The following FILIP1L variants were observed in gnomAD, a reference collection of about 807,000 sequenced individuals.
FILIP1L encodes filamin A-interacting protein 1-like.
A neutral mutation model predicts 96.6 loss-of-function variants in FILIP1L; 55 were observed. The ratio of observed to expected loss-of-function variants is 0.57; its 90% CI spans 0.46 to 0.71. The LOEUF is 0.71. FILIP1L is among the 30% of genes least tolerant of loss of function. The probability of loss-of-function intolerance (pLI) is 0.00; values close to 1 mark genes in which losing one functional copy is unlikely to be tolerated. For synonymous variants in FILIP1L, 467 were observed against 473.9 expected (o/e 0.99, Z 0.19); for missense variants, 1,304 against 1,321.2 (o/e 0.99, Z 0.20).
chr3:100,009,131 A>G (rs532706317), intron 1 of FILIP1L, among the ~76,000 whole-genome samples: 1 of 152,202 alleles, frequency 6.6e-6, no homozygotes, highest in Non-Finnish European at 1.5e-5. Flanking sequence ...CCGAATGAGA[A>G]TTCAAATTGA....
At chr3:100,062,702 C>T (rs568908122) in intron 1 of FILIP1L, among the ~76,000 whole-genome samples, 12 of 152,312 alleles carry the variant, frequency 7.9e-5, no homozygotes, top group African/African-American at 2.9e-4. Context: ...TTAAAAGCCC[C>T]TATATCTTAG....
chr3:100,017,985 G>A (rs1267444902), intron 1 of FILIP1L, among the ~76,000 whole-genome samples: 1 of 152,042 alleles, frequency 6.6e-6, no homozygotes, highest in Non-Finnish European at 1.5e-5. Flanking sequence ...TTGAAACTCT[G>A]AGAAGGGTAT....
chr3:100,012,179 A>G (rs1412471487), intron 1 of FILIP1L, among the ~76,000 whole-genome samples: 1 of 152,198 alleles, frequency 6.6e-6, no homozygotes, highest in Non-Finnish European at 1.5e-5. Context: ...TAATGTCTAT[A>G]TCTGTCTTTT....
In FILIP1L at chr3:100,085,859, T is replaced by C. The variant is rs2066001004; in HGVS notation, c.-11+28194A>G. 2.0e-5 allele frequency among the ~76,000 whole-genome samples: 3 copies of C among 152,356 alleles called. No individual in the cohort carries two copies. The South Asian group carries it at 6.2e-4, about 32-fold the overall frequency. ...CTCGACTAGCAGGAAAAGAGGTGGT[T>C]ACATTTTCATGAAGAGTAATATACT... On this transcript the variant is annotated intron_variant, in intron 1 of 5. Coordinates refer to ENST00000477258, the MANE Select transcript of FILIP1L (RefSeq NM_001387850.1).
In FILIP1L at chr3:99,930,162, T is replaced by C. The variant is rs564525800; in HGVS notation, c.253-133A>G. 6.8e-6 allele frequency: 5 copies of C among 738,698 alleles called. No homozygotes were observed. The Admixed American group carries it at 1.4e-4, about 21-fold the overall frequency. 45.8% of individuals were successfully genotyped at this position (738,698 alleles called of 1,614,324 possible). A position where few individuals can be genotyped will look rare whatever the true frequency, so the allele number is the denominator to read the frequency against. ...TGAATCATATTTCATTTTCACACTT[T>C]TATAAAAGGTAACAAAACTATATCC... On this transcript the variant is annotated intron_variant, in intron 2 of 5. Coordinates refer to ENST00000477258, the MANE Select transcript of FILIP1L (RefSeq NM_001387850.1).
chr3:99,903,511 A>G (rs991093040), intron 4 of FILIP1L, among the ~76,000 whole-genome samples: 1 of 152,092 alleles, frequency 6.6e-6, no homozygotes, highest in Non-Finnish European at 1.5e-5. Flanking sequence ...CGGCCTCCCA[A>G]AGTGCTGGGA....
intron 1 of FILIP1L, among the ~76,000 whole-genome samples, chr3:99,955,216 C>T (rs1001962496): frequency 3.9e-5 from 6 of 152,156 alleles, no homozygotes; most frequent in African/African-American, 9.7e-5. Flanking sequence ...CTCAAGTCTT[C>T]TCTGTAGTAA....
chr3:100,075,965 C>T (rs1345927267), intron 1 of FILIP1L, among the ~76,000 whole-genome samples: 2 of 152,122 alleles, frequency 1.3e-5, no homozygotes, highest in African/African-American at 4.8e-5. Flanking sequence ...AGGCAATAGG[C>T]CCTCAGACCT....
intron 1 of FILIP1L, among the ~76,000 whole-genome samples, chr3:100,016,061 T>G (rs1710329199): frequency 6.6e-6 from 1 of 152,210 alleles, no homozygotes; most frequent in African/African-American, 2.4e-5. Flanking sequence ...GACCCAAGAT[T>G]ATTATTCACA....
chr3:99,934,256 C>T (rs747708116), intron 1 of FILIP1L, among the ~76,000 whole-genome samples: 42 of 152,162 alleles, frequency 2.8e-4, no homozygotes, highest in Admixed American at 1.4e-3. Flanking sequence ...GATACAAGGC[C>T]ACATTGCAAA....
At chr3:100,014,120 G>T (rs1710247836) in intron 1 of FILIP1L, among the ~76,000 whole-genome samples, 1 of 150,914 alleles carries the variant, frequency 6.6e-6, no homozygotes, top group Non-Finnish European at 1.5e-5. Context: ...ATGTCCTCCA[G>T]GTTCATCCAC....
At chr3:99,913,113 A>G (rs1026103656) in intron 4 of FILIP1L, among the ~76,000 whole-genome samples, 4 of 152,198 alleles carry the variant, frequency 2.6e-5, no homozygotes, top group Non-Finnish European at 4.4e-5. Context: ...AACCCAGAAG[A>G]GGGCCCTTAC....
At chr3:99,878,297 A>G (rs924644886) in intron 4 of FILIP1L, among the ~76,000 whole-genome samples, 1 of 152,256 alleles carries the variant, frequency 6.6e-6, no homozygotes, top group Non-Finnish European at 1.5e-5. Flanking sequence ...GTGCTCTACA[A>G]GCATTTCATC....
chr3:99,975,541 G>A (rs1199902761), intron 1 of FILIP1L, among the ~76,000 whole-genome samples: 3 of 151,372 alleles, frequency 2.0e-5, no homozygotes, highest in Admixed American at 6.6e-5. Flanking sequence ...GCAGTGAGCC[G>A]AGGTCACACC....
intron 4 of FILIP1L, among the ~76,000 whole-genome samples, chr3:99,860,199 G>A (rs1454499267): frequency 2.0e-5 from 3 of 152,132 alleles, no homozygotes; most frequent in East Asian, 1.9e-4. Flanking sequence ...TAAGAATTAG[G>A]GCAGGAAGTT....
At chr3:100,038,763 G>A (rs2065152583) in intron 1 of FILIP1L, among the ~76,000 whole-genome samples, 1 of 152,146 alleles carries the variant, frequency 6.6e-6, no homozygotes, top group African/African-American at 2.4e-5. Context: ...AGCCTCCCAA[G>A]TAGCTGAGAT....
chr3:100,028,961 A>G (rs190058400), intron 1 of FILIP1L, among the ~76,000 whole-genome samples: 3 of 152,260 alleles, frequency 2.0e-5, no homozygotes, highest in Admixed American at 6.5e-5. Flanking sequence ...GATGTTTTAC[A>G]AGCTCGTCAG....
Position 99,930,769 on chromosome 3 carries a change from C to T in FILIP1L, c.252G>A (p.Gln84=). 6.2e-7 allele frequency: 1 copy of T among 1,613,142 alleles called. No homozygotes were observed. Residue 84 remains glutamine, a splice_region_variant and synonymous_variant, in exon 2 of 6, where the codon CAG becomes CAA. Coordinates refer to ENST00000477258, the MANE Select transcript of FILIP1L (RefSeq NM_001387850.1). ...TGGGGATAACTCCAACCCAGCTGAC[C>T]TGCAGTTCTCCCTCCAGAATGCTGA... The part of the protein sequence containing the change: ...FLLSILEGEL[Q]ARDEVIGILK...
intron 4 of FILIP1L, among the ~76,000 whole-genome samples, chr3:99,880,459 A>C (rs911633265): frequency 6.6e-6 from 1 of 152,128 alleles, no homozygotes; most frequent in African/African-American, 2.4e-5. Context: ...CTCTGGTCCC[A>C]GGCCTATATA....
Sources: allele counts gnomAD v4.1 joint callset (sites outside exome capture counted in the v4.1 genomes callset), GRCh38; gene constraint gnomAD v4.1.1; transcripts MANE v1.5; gene names NCBI Gene and HGNC (gene_info 2026-07-23, HGNC 2026-07-21).